SGCZ: variants seen among roughly 807,000 people sequenced by gnomAD.
SGCZ encodes the protein sarcoglycan zeta.
A neutral mutation model predicts 41.3 loss-of-function variants in SGCZ; 40 were observed. The observed-to-expected ratio is 0.97, with a 90% CI of 0.75 to 1.26. The LOEUF (loss-of-function observed/expected upper bound fraction) is 1.26, where lower values mean the gene tolerates loss of function less well. SGCZ is among the 50% of genes most tolerant of loss of function. The probability of loss-of-function intolerance (pLI) is 0.00; values close to 1 mark genes in which losing one functional copy is unlikely to be tolerated. For synonymous variants in SGCZ, 206 were observed against 137.5 expected (o/e 1.50, Z -3.49); for missense variants, 552 against 369.8 (o/e 1.49, Z -4.04).
At chr8:14,343,879 C>G (rs1336404183) in intron 2 of SGCZ, among the ~76,000 whole-genome samples, 1 of 150,982 alleles carries the variant, frequency 6.6e-6, no homozygotes, top group Admixed American at 6.6e-5. Context: ...AGAATTAGTA[C>G]TAAAGGGGAA....
intron 1 of SGCZ, among the ~76,000 whole-genome samples, chr8:14,557,110 T>G (rs1804056512): frequency 6.6e-6 from 1 of 152,066 alleles, no homozygotes; most frequent in African/African-American, 2.4e-5. Flanking sequence ...TTTTTGATTT[T>G]TTGATTATGG....
chr8:15,234,831 A>G (rs1563199375), intron 1 of SGCZ, among the ~76,000 whole-genome samples: 2 of 152,206 alleles, frequency 1.3e-5, no homozygotes, highest in Non-Finnish European at 2.9e-5. Context: ...AATTATCAGA[A>G]TCTTTCTTTC....
chr8:15,156,975 G>T (rs1225584371), intron 1 of SGCZ, among the ~76,000 whole-genome samples: 1 of 148,126 alleles, frequency 6.8e-6, no homozygotes, highest in Admixed American at 6.7e-5. Context: ...GAAAAAGAAA[G>T]AAAGAGAAAA....
intron 4 of SGCZ, among the ~76,000 whole-genome samples, chr8:14,232,392 T>G (rs1191974158): frequency 3.9e-5 from 6 of 151,982 alleles, no homozygotes; most frequent in Non-Finnish European, 7.4e-5. Flanking sequence ...GCTCAAAGTG[T>G]AAAATATGAA....
At chr8:14,271,511 C>T (rs1351703132) in intron 3 of SGCZ, among the ~76,000 whole-genome samples, 3 of 152,198 alleles carry the variant, frequency 2.0e-5, no homozygotes, top group African/African-American at 7.2e-5. Flanking sequence ...TTTAGGAATG[C>T]TGCTTCACTG....
At chr8:14,317,969 T>C (rs1000895176) in intron 3 of SGCZ, among the ~76,000 whole-genome samples, 1 of 151,114 alleles carries the variant, frequency 6.6e-6, no homozygotes, top group African/African-American at 2.4e-5. Context: ...ACTCTACCAA[T>C]TAGAAAAAAA....
intron 1 of SGCZ, among the ~76,000 whole-genome samples, chr8:14,713,634 G>C (rs950678811): frequency 7.0e-6 from 1 of 141,892 alleles, no homozygotes; most frequent in South Asian, 2.3e-4. Flanking sequence ...AATTGATCAG[G>C]AAATAAAACA....
intron 3 of SGCZ, among the ~76,000 whole-genome samples, chr8:14,322,719 T>C (rs1216802866): frequency 2.0e-5 from 3 of 152,156 alleles, no homozygotes; most frequent in African/African-American, 4.8e-5. Context: ...AGTTTTGGCC[T>C]ATGCTTAGTT....
chr8:14,747,663 T>TATTATTATC (rs1282977663), intron 1 of SGCZ, among the ~76,000 whole-genome samples: 2 of 140,404 alleles, frequency 1.4e-5, no homozygotes, highest in Non-Finnish European at 3.1e-5. Flanking sequence ...TACAAGGCAT[T>TATTATTATC]ATTATTATTA....
chr8:14,190,014 CT>C lies in SGCZ; in HGVS notation c.425-25313del, dbSNP rs71304966. ...GAATCTACTTTTTCTTTCTTTCTTT[CT>C]TTTTTTTTTTTTTTTGAGACGGACT... On this transcript the variant is annotated intron_variant, in intron 4 of 7. Coordinates refer to ENST00000382080, the MANE Select transcript of SGCZ (RefSeq NM_139167.4). 6.0e-4 allele frequency among the ~76,000 whole-genome samples: 60 copies of C among 100,196 alleles called. 2 individuals carry two copies. In the East Asian group the frequency reaches 0.01, roughly 17 times the overall value. The allele number at this position is 100,196 out of a possible 152,430, so 65.7% of individuals were successfully genotyped here.
At chr8:14,736,081 T>A (rs527586753) in intron 1 of SGCZ, among the ~76,000 whole-genome samples, 24 of 152,288 alleles carry the variant, frequency 1.6e-4, no homozygotes, top group African/African-American at 5.5e-4. Flanking sequence ...ATCTAATGTC[T>A]ACAGATTATA....
At chr8:14,677,820 G>T (rs1272504114) in intron 1 of SGCZ, among the ~76,000 whole-genome samples, 1 of 152,190 alleles carries the variant, frequency 6.6e-6, no homozygotes, top group African/African-American at 2.4e-5. Context: ...TTTATATGGA[G>T]AGGCAAAAGG....
chr8:14,122,206 G>C (rs558500984), intron 5 of SGCZ, among the ~76,000 whole-genome samples: 1 of 152,222 alleles, frequency 6.6e-6, no homozygotes, highest in Non-Finnish European at 1.5e-5. Flanking sequence ...GAACCCGGGA[G>C]GTGGAGCTTG....
At chr8:14,424,247 G>T (rs1383205815) in intron 2 of SGCZ, among the ~76,000 whole-genome samples, 1 of 152,062 alleles carries the variant, frequency 6.6e-6, no homozygotes, top group Non-Finnish European at 1.5e-5. Context: ...TTTATGAACA[G>T]GCTTCTCTGC....
In SGCZ at chr8:14,838,929, C is replaced by A. The variant is rs79580113; in HGVS notation, c.40-284003G>T. On this transcript the variant is annotated intron_variant, in intron 1 of 7. Coordinates refer to ENST00000382080, the MANE Select transcript of SGCZ (RefSeq NM_139167.4). ...AGAAGTAGGAGACTCAGAAAGGTGA[C>A]CAGGAAGCAGGTGGACCAAGCATGG... Among the ~76,000 whole-genome samples the A allele has an allele frequency of 2.8e-3, 421 of 152,074 alleles. 3 individuals are homozygous for A. Among genetic ancestry groups the A allele is most frequent in the African/African-American group, 9.6e-3 (399 of 41,490 alleles).
At chr8:15,123,774 C>T (rs535646048) in intron 1 of SGCZ, among the ~76,000 whole-genome samples, 116 of 152,226 alleles carry the variant, frequency 7.6e-4, no homozygotes, top group Non-Finnish European at 1.3e-3. Context: ...AAACATAATG[C>T]GATAAGCATA....
intron 1 of SGCZ, among the ~76,000 whole-genome samples, chr8:14,876,653 T>A (rs78037157): frequency 8.5e-5 from 13 of 152,302 alleles, no homozygotes; most frequent in East Asian, 5.8e-4. Context: ...GTAACTTTTT[T>A]AAATGGTACA....
At chr8:15,233,290 T>G (rs1400655245) in intron 1 of SGCZ, among the ~76,000 whole-genome samples, 1 of 148,690 alleles carries the variant, frequency 6.7e-6, no homozygotes. Context: ...GCAGCAAGCT[T>G]GACTCTCCTG....
At position 14,467,909 on chromosome 8, in the gene SGCZ, C is replaced by A. The variant is rs143746547; in HGVS notation, c.234+86823G>T. Among the ~76,000 whole-genome samples the A allele has an allele frequency of 7.2e-5, 11 of 152,038 alleles. No individual in the cohort carries two copies. In the East Asian group the frequency reaches 2.1e-3, roughly 29 times the overall value. ...ACACATGCTAAAGATTATGTAATTC[C>A]CTTTTCTGGAAAATGTAAAACATAC... is the stretch of plus-strand genomic sequence containing the variant. On this transcript the variant is annotated intron_variant, in intron 2 of 7. Transcript: ENST00000382080.
Sources: gnomAD v4.1 joint callset for allele counts (sites outside exome capture counted in the v4.1 genomes callset) on GRCh38, gnomAD v4.1.1 for gene constraint, MANE v1.5 for transcripts, NCBI Gene and HGNC (gene_info 2026-07-23, HGNC 2026-07-21) for gene names.